Variants in WHAMM observed in about 807,000 individuals in gnomAD.
WHAMM encodes the protein WASP homolog-associated protein with actin, membranes and microtubules.
A neutral mutation model predicts 76.5 loss-of-function variants in WHAMM; 67 were observed. The observed-to-expected ratio is 0.88, with a 90% CI of 0.72 to 1.07. WHAMM has a LOEUF of 1.07. WHAMM is among the 50% of genes least tolerant of loss of function. The pLI, the probability that WHAMM is intolerant of heterozygous loss-of-function variation, is 0.00. For missense variants in WHAMM, 1,021 were observed against 1,051.1 expected (o/e 0.97, Z 0.40); for synonymous variants, 419 against 422.1 (o/e 0.99, Z 0.09).
Position 82,833,311 on chromosome 15 carries a change from C to T in WHAMM, c.2205C>T (p.Pro735=), listed in dbSNP as rs773482526. The change falls in exon 10 of 10, where the codon CCC becomes CCT. Residue 735 remains proline, a synonymous_variant. Coordinates refer to ENST00000286760, the MANE Select transcript of WHAMM (RefSeq NM_001080435.3). ...TGGAAGTGCCGGCGGTGCGCCCTCC[C>T]CACGCCTCAATCAATGAGCACATTC... ...RKVEVPAVRP[P]HASINEHILA... The T allele has an allele frequency of 2.5e-6, 4 of 1,613,884 alleles. No individual in the cohort carries two copies. The Admixed American group carries it at 5.0e-5, about 20-fold the overall frequency.
chr15:82,829,585 T>C (rs1023498502), intron 8 of WHAMM, among the ~76,000 whole-genome samples: 2 of 152,138 alleles, frequency 1.3e-5, no homozygotes, highest in African/African-American at 4.8e-5. Flanking sequence ...CGCCATGACA[T>C]TGCTATTTGT....
At chr15:82,811,098 G>A (rs1159640473) in intron 1 of WHAMM, among the ~76,000 whole-genome samples, 1 of 152,214 alleles carries the variant, frequency 6.6e-6, no homozygotes, top group African/African-American at 2.4e-5. Context: ...TTCTTCTGAG[G>A]AAGGGGAAGT....
At chr15:82,814,608 G>A (rs1193989463) in intron 2 of WHAMM, among the ~76,000 whole-genome samples, 2 of 150,920 alleles carry the variant, frequency 1.3e-5, no homozygotes, top group Non-Finnish European at 3.0e-5. Flanking sequence ...GTGCCACCAC[G>A]CCCAGCTAAT....
intron 8 of WHAMM, among the ~76,000 whole-genome samples, chr15:82,827,325 T>C (rs1478548011): frequency 6.6e-6 from 1 of 152,208 alleles, no homozygotes; most frequent in East Asian, 1.9e-4. Flanking sequence ...TTTTGAAGTA[T>C]ATACTTATGA....
chr15:82,830,747 C>T lies in WHAMM; in HGVS notation c.1790C>T (p.Pro597Leu). 1 of 1,613,952 alleles carries T rather than the reference C, an allele frequency of 6.2e-7. No individual in the cohort carries two copies. Among genetic ancestry groups the T allele is most frequent in the Non-Finnish European group, 8.5e-7 (1 of 1,179,884 alleles). Residue 597 changes from proline (P) to leucine (L), a missense_variant, in exon 9 of 10, where the codon CCC (proline) becomes CTC (leucine). By Grantham distance (98) the Pro-to-Leu change is moderately conservative (BLOSUM62 -3). Transcript: ENST00000286760. ...TCCTCTAGGAAAACTAGAGGTGTTC[C>T]CCTATCGGAAGCTGGTAATGTGAAA... ...HPSSRKTRGV[P>L]LSEAGNVKSP...
chr15:82,811,200 G>C (rs993403382), intron 1 of WHAMM, among the ~76,000 whole-genome samples: 3 of 152,028 alleles, frequency 2.0e-5, no homozygotes, highest in African/African-American at 7.3e-5. Flanking sequence ...GGTCATTTTT[G>C]TACTGTGGGT....
In WHAMM at chr15:82,830,843, A is replaced by T; in HGVS notation, c.1886A>T (p.His629Leu). 6.3e-7 allele frequency: 1 copy of T among 1,594,210 alleles called. No individual in the cohort carries two copies. The highest frequency in any genetic ancestry group is 8.6e-7 in the Non-Finnish European group (1 of 1,169,560). The change falls in exon 9 of 10, where the codon CAT (histidine) becomes CTT (leucine). Residue 629 changes from histidine to leucine, a missense_variant. Coordinates refer to ENST00000286760, the MANE Select transcript of WHAMM (RefSeq NM_001080435.3). ...TTTGTTCCAGTTGGTGATCAAACAC[A>T]TTCCAAATCCAGTGAGGAATTGTCA... ...QVFVPVGDQT[H>L]SKSSEELSLP...
At position 82,831,620 on chromosome 15, in the gene WHAMM, A is replaced by C. The variant is rs2051033587; in HGVS notation, c.2122+541A>C. ...ATCTTTCTAAAGTGCAATGGGACAG[A>C]AAGAAAAAGTGGGCCACTTGTCTTG... On this transcript the variant is annotated intron_variant, in intron 9 of 9. Transcript: ENST00000286760. Among the ~76,000 whole-genome samples, 6 of 152,342 alleles carry C rather than the reference A, an allele frequency of 3.9e-5. No individual in the cohort carries two copies. The South Asian group carries it at 1.2e-3, about 32-fold the overall frequency.
intron 2 of WHAMM, among the ~76,000 whole-genome samples, chr15:82,816,085 T>C (rs199753958): frequency 6.6e-6 from 1 of 152,228 alleles, no homozygotes; most frequent in East Asian, 1.9e-4. Context: ...AGATCCTGTG[T>C]CTCCTCTTCT....
In WHAMM at chr15:82,810,053, G is replaced by A. The variant is rs899394565; in HGVS notation, c.327G>A (p.Pro109=). 1 of 1,216,966 alleles carries A rather than the reference G, an allele frequency of 8.2e-7. No individual in the cohort carries two copies. The highest frequency in any genetic ancestry group is 4.5e-5 in the Admixed American group (1 of 22,408). The allele number at this position is 1,216,966 out of a possible 1,614,324, so 75.4% of individuals were successfully genotyped here. A position where few individuals can be genotyped will look rare whatever the true frequency, so the allele number is the denominator to read the frequency against. ...TGGAGCGCTGCTTCCCGCGGCTGCC[G>A]CCGGAGCTGGACGTGGGCGGCGGCG... ...PPLERCFPRL[P]PELDVGGGGA... is the part of the protein sequence containing the mutation. Residue 109 remains proline (P), a synonymous_variant, in exon 1 of 10, where the codon CCG becomes CCA. Coordinates refer to ENST00000286760, the MANE Select transcript of WHAMM (RefSeq NM_001080435.3).
intron 5 of WHAMM, among the ~76,000 whole-genome samples, 177 bp from the exon 6 acceptor site, chr15:82,822,923 C>T (rs1266495700): frequency 1.3e-5 from 2 of 151,434 alleles, no homozygotes; most frequent in Non-Finnish European, 2.9e-5. Flanking sequence ...TGTATATAGT[C>T]ATGTATATAC....
chr15:82,826,489 T>C lies in WHAMM; in HGVS notation c.1538T>C (p.Ile513Thr). The stretch of plus-strand genomic sequence containing the variant: ...AGATACTCTCGTCAGCATCACAGTA[T>C]TCAGATGGTGAGTCTCCTCCGAAGG... ...SIRYSRQHHS[I>T]QMKRDKIKEE... is the part of the protein sequence containing the mutation. The change falls in exon 7 of 10, where the codon ATT becomes ACT. Residue 513 changes from isoleucine to threonine, a missense_variant. Ile to Thr is a moderately conservative substitution (Grantham distance 89, BLOSUM62 -1). Transcript: ENST00000286760. The C allele has an allele frequency of 1.2e-6, 2 of 1,613,294 alleles. No homozygotes were observed. Among genetic ancestry groups the C allele is most frequent in the East Asian group, 4.5e-5 (2 of 44,886 alleles).
intron 3 of WHAMM, among the ~76,000 whole-genome samples, chr15:82,817,523 AT>A (rs768851395): frequency 6.6e-6 from 1 of 151,770 alleles, no homozygotes; most frequent in African/African-American, 2.4e-5. Context: ...ATGATTCTTG[AT>A]TTTTTTTTAT....
chr15:82,827,930 G>A (rs1054218473), intron 8 of WHAMM, among the ~76,000 whole-genome samples: 1 of 151,974 alleles, frequency 6.6e-6, no homozygotes, highest in African/African-American at 2.4e-5. Flanking sequence ...GAACAACAGA[G>A]TGAGACTCTT....
chr15:82,820,102 A>G lies in WHAMM; in HGVS notation c.1270+614A>G, dbSNP rs1405361014. 2.0e-5 allele frequency among the ~76,000 whole-genome samples: 3 copies of G among 152,328 alleles called. No individual in the cohort carries two copies. The East Asian group carries it at 5.8e-4, about 29-fold the overall frequency. On this transcript the variant is annotated intron_variant, in intron 5 of 9. Coordinates refer to ENST00000286760, the MANE Select transcript of WHAMM (RefSeq NM_001080435.3). ...TAGATTTTAAAATATGCTGATATAT[A>G]AAAATATAAATTTTTAACCAAAATA...
intron 2 of WHAMM, among the ~76,000 whole-genome samples, chr15:82,815,155 A>ATATATATATATATG (rs55807384): frequency 4.3e-5 from 2 of 46,138 alleles, no homozygotes; most frequent in Non-Finnish European, 7.9e-5. Flanking sequence ...ATATATATAT[A>ATATATATATATATG]GTACAATTCA....
chr15:82,820,564 C>G (rs1486040819), intron 5 of WHAMM, among the ~76,000 whole-genome samples: 1 of 152,042 alleles, frequency 6.6e-6, no homozygotes, highest in Non-Finnish European at 1.5e-5. Flanking sequence ...AAATTTCATG[C>G]TACATAATGA....
chr15:82,811,864 C>T (rs2050634638), intron 1 of WHAMM, among the ~76,000 whole-genome samples: 1 of 151,558 alleles, frequency 6.6e-6, no homozygotes, highest in Non-Finnish European at 1.5e-5. Flanking sequence ...AAAAAAAACC[C>T]ATAATATTAT....
chr15:82,809,670 G>A lies in WHAMM; in HGVS notation c.-57G>A, dbSNP rs2050590213. ...GGCTCGGACTGTCCCGTGACAGGCG[G>A]TGCGAGGAGGCCAGGCCCGCGCCCG... On this transcript the variant is annotated 5_prime_UTR_variant, in exon 1 of 10. It adds an upstream start codon to the 5' untranslated region. Transcript: ENST00000286760. The A allele has an allele frequency of 7.7e-7, 1 of 1,298,592 alleles. No individual in the cohort carries two copies. 80.4% of individuals were successfully genotyped at this position (1,298,592 alleles called of 1,614,324 possible).
Sources: gnomAD v4.1 joint callset for allele counts (sites outside exome capture counted in the v4.1 genomes callset) on GRCh38, gnomAD v4.1.1 for gene constraint, MANE v1.5 for transcripts, NCBI Gene and HGNC (gene_info 2026-07-23, HGNC 2026-07-21) for gene names.